The following CATSPER3 variants were observed in gnomAD, a reference collection of about 807,000 sequenced individuals.
CATSPER3 encodes cation channel sperm associated 3.
Under a neutral mutation model 36.6 loss-of-function variants are expected in CATSPER3, and 23 were observed. The ratio of observed to expected loss-of-function variants is 0.63; its 90% CI spans 0.45 to 0.89. The LOEUF is 0.89. Ranked by LOEUF, CATSPER3 falls within the 40% of genes least tolerant of loss-of-function variation. The pLI, the probability that CATSPER3 is intolerant of heterozygous loss-of-function variation, is 0.00. For synonymous variants in CATSPER3, 172 were observed against 184.1 expected (o/e 0.93, Z 0.53); for missense variants, 474 against 503.9 (o/e 0.94, Z 0.57).
At chr5:134,991,984 TG>T (rs1295047961) in intron 2 of CATSPER3, among the ~76,000 whole-genome samples, 1 of 151,998 alleles carries the variant, frequency 6.6e-6, no homozygotes. Flanking sequence ...TAGCCAGGTG[TG>T]GTGGCATGTG....
intron 2 of CATSPER3, among the ~76,000 whole-genome samples, chr5:134,976,026 A>G (rs1194882409): frequency 6.6e-6 from 1 of 152,260 alleles, no homozygotes; most frequent in African/African-American, 2.4e-5. Context: ...CAAGCACAGA[A>G]GAACAAATAC....
intron 2 of CATSPER3, among the ~76,000 whole-genome samples, chr5:134,970,568 ATTT>A (rs35264342): frequency 2.4e-5 from 3 of 124,228 alleles, no homozygotes; most frequent in Admixed American, 8.5e-5. Context: ...GACATGGTGG[ATTT>A]TTTTTTTTTT....
In CATSPER3 at chr5:134,996,453, G is replaced by T. The variant is rs114447625; in HGVS notation, c.433G>T (p.Ala145Ser). Residue 145 changes from alanine (A) to serine (S), a missense_variant, in exon 3 of 8, where the codon GCT becomes TCT. Ala to Ser is a moderately conservative substitution (Grantham distance 99). Coordinates refer to ENST00000282611, the MANE Select transcript of CATSPER3 (RefSeq NM_178019.3). ...CAAACAGTTCACTTACCTGTATATC[G>T]CTGATGGCATGCAGTCCCTGCGCAT... ...MGKQFTYLYI[A>S]DGMQSLRILK... is the part of the protein sequence containing the mutation. 2 of 1,613,936 alleles carry T rather than the reference G, an allele frequency of 1.2e-6. No individual in the cohort carries two copies. Among genetic ancestry groups the T allele is most frequent in the Non-Finnish European group, 1.7e-6 (2 of 1,179,942 alleles).
At chr5:135,001,367 G>A (rs868616425) in intron 3 of CATSPER3, among the ~76,000 whole-genome samples, 2 of 152,114 alleles carry the variant, frequency 1.3e-5, no homozygotes, top group Admixed American at 6.6e-5. Context: ...CCAACTGTGT[G>A]GTCAATTTTG....
intron 3 of CATSPER3, among the ~76,000 whole-genome samples, chr5:134,998,942 G>T (rs1751987376): frequency 6.6e-6 from 1 of 152,060 alleles, no homozygotes; most frequent in Non-Finnish European, 1.5e-5. Context: ...GTCAATTTTG[G>T]CTTTTGTTGC....
At chr5:134,999,942 T>G (rs952694939) in intron 3 of CATSPER3, among the ~76,000 whole-genome samples, 19 of 152,164 alleles carry the variant, frequency 1.2e-4, no homozygotes, top group African/African-American at 4.6e-4. Flanking sequence ...CTTCCAACAC[T>G]ATGTTGAATA....
chr5:134,987,768 A>G (rs1056611264), intron 2 of CATSPER3, among the ~76,000 whole-genome samples: 1 of 152,228 alleles, frequency 6.6e-6, no homozygotes, highest in Non-Finnish European at 1.5e-5. Flanking sequence ...ATACAAAAAA[A>G]ATTAAACTAC....
intron 2 of CATSPER3, among the ~76,000 whole-genome samples, chr5:134,988,049 C>T (rs752761891): frequency 6.8e-4 from 103 of 152,230 alleles, no homozygotes; most frequent in Non-Finnish European, 4.9e-4. Context: ...CAGACCACCA[C>T]AATAAAGTGA....
intron 1 of CATSPER3, 98 bp downstream of exon 1, chr5:134,968,187 C>T (rs1751557637): frequency 2.3e-5 from 19 of 840,674 alleles, no homozygotes; most frequent in Non-Finnish European, 3.0e-5. Flanking sequence ...CTCAGATACT[C>T]GTCTGCTTAC....
chr5:134,980,881 C>T (rs1214159546), intron 2 of CATSPER3, among the ~76,000 whole-genome samples: 2 of 152,076 alleles, frequency 1.3e-5, no homozygotes, highest in East Asian at 3.9e-4. Flanking sequence ...CATACACCAC[C>T]ATGTCCAGGT....
At position 135,010,383 on chromosome 5, in the gene CATSPER3, A is replaced by C. The variant is rs1752166063; in HGVS notation, c.947A>C (p.Asp316Ala). 1.9e-6 allele frequency: 3 copies of C among 1,613,974 alleles called. No homozygotes were observed. The highest frequency in any genetic ancestry group is 2.5e-6 in the Non-Finnish European group (3 of 1,179,872). Residue 316 changes from aspartate (D) to alanine (A), a missense_variant, in exon 7 of 8, where the codon GAC becomes GCC. Asp to Ala is a moderately radical substitution (Grantham distance 126, BLOSUM62 -2). Coordinates refer to ENST00000282611, the MANE Select transcript of CATSPER3 (RefSeq NM_178019.3). Reference protein sequence around the residue: ...SRLMHIQKNADCTSFSELVEN... With the variant: ...SRLMHIQKNAACTSFSELVEN... Reference sequence around the variant, plus strand: ...TGCTTTCCTCTCTAGAAAAATGCTGACTGCACAAGTTTCAGTGAGCTGGTG... The same window carrying C: ...TGCTTTCCTCTCTAGAAAAATGCTGCCTGCACAAGTTTCAGTGAGCTGGTG...
intron 3 of CATSPER3, among the ~76,000 whole-genome samples, chr5:135,003,658 G>A (rs957072511): frequency 9.8e-5 from 15 of 152,320 alleles, no homozygotes; most frequent in East Asian, 9.6e-4. Flanking sequence ...AATGGCAGGC[G>A]CCCATCCCGC....
chr5:135,009,394 A>G lies in CATSPER3; in HGVS notation c.840A>G (p.Arg280=). The G allele has an allele frequency of 6.2e-7, 1 of 1,613,492 alleles. No homozygotes were observed. Among genetic ancestry groups the G allele is most frequent in the Non-Finnish European group, 8.5e-7 (1 of 1,179,674 alleles). ...HTEDSIRKFE[R]ELMLEQQEML... ...AGGACTCCATCAGAAAGTTTGAGCG[A>G]GAGCTGATGTTGGAGCAGCAGGAGA... The change falls in exon 6 of 8, where the codon CGA becomes CGG. Residue 280 remains arginine (R), a synonymous_variant. Coordinates refer to ENST00000282611, the MANE Select transcript of CATSPER3 (RefSeq NM_178019.3).
At chr5:135,007,860 C>G in intron 3 of CATSPER3, 97 bp from the exon 4 acceptor site, 7 of 664,046 alleles carry the variant, frequency 1.1e-5, no homozygotes, top group Non-Finnish European at 1.7e-5. Flanking sequence ...GCAACAGTTG[C>G]TGGGGACAGC....
intron 3 of CATSPER3, among the ~76,000 whole-genome samples, chr5:135,004,652 C>T (rs1201041601): frequency 6.6e-6 from 1 of 152,036 alleles, no homozygotes; most frequent in Non-Finnish European, 1.5e-5. Context: ...AGAGGGAAGT[C>T]CAGGGGTGAA....
At chr5:134,968,198 C>T in intron 1 of CATSPER3, 109 bp downstream of exon 1, 1 of 799,838 alleles carries the variant, frequency 1.3e-6, no homozygotes, top group Non-Finnish European at 2.1e-6. Flanking sequence ...GTCTGCTTAC[C>T]AAAATAAGTT....
At chr5:135,010,964 A>G (rs1752174001) in intron 7 of CATSPER3, among the ~76,000 whole-genome samples, 1 of 152,136 alleles carries the variant, frequency 6.6e-6, no homozygotes, top group African/African-American at 2.4e-5. Context: ...CAATGAAAAC[A>G]GTATATGTGA....
chr5:134,993,633 A>G (rs1751909637), intron 2 of CATSPER3, among the ~76,000 whole-genome samples: 2 of 152,236 alleles, frequency 1.3e-5, no homozygotes, highest in Non-Finnish European at 2.9e-5. Context: ...ATTTTATGCC[A>G]ATAAATTTGA....
At chr5:135,008,239 C>A in intron 4 of CATSPER3, 100 bp downstream of exon 4, 2 of 993,798 alleles carry the variant, frequency 2.0e-6, no homozygotes, top group Non-Finnish European at 1.6e-6. Flanking sequence ...TGGGGCTTTC[C>A]TCATGTCCAG....
Sources: allele counts gnomAD v4.1 joint callset (sites outside exome capture counted in the v4.1 genomes callset), GRCh38; gene constraint gnomAD v4.1.1; transcripts MANE v1.5; gene names NCBI Gene and HGNC (gene_info 2026-07-23, HGNC 2026-07-21).